Variants in CRYBB1 observed in about 807,000 individuals in gnomAD.
CRYBB1 encodes beta-crystallin B1.
CRYBB1 carries 16 observed loss-of-function variants against 29.5 expected under a neutral mutation model. The ratio of observed to expected loss-of-function variants is 0.54; its 90% CI spans 0.37 to 0.82. The LOEUF is 0.82. Ranked by LOEUF, CRYBB1 falls within the 40% of genes least tolerant of loss-of-function variation. CRYBB1 has a pLI of 0.00. For synonymous variants in CRYBB1, 127 were observed against 136.7 expected (o/e 0.93, Z 0.49); for missense variants, 300 against 350.5 (o/e 0.86, Z 1.15).
intron 4 of CRYBB1, among the ~76,000 whole-genome samples, chr22:26,603,705 A>G (rs1473073425): frequency 1.3e-5 from 2 of 152,054 alleles, no homozygotes; most frequent in Non-Finnish European, 2.9e-5. Context: ...GGAGTTCGAG[A>G]CCAGCCTGAC....
At chr22:26,605,153 A>C (rs1439422963) in intron 4 of CRYBB1, among the ~76,000 whole-genome samples, 1 of 151,158 alleles carries the variant, frequency 6.6e-6, no homozygotes, top group Non-Finnish European at 1.5e-5. Flanking sequence ...CCCCCTGACC[A>C]CTCCCACCTC....
In CRYBB1 at chr22:26,616,391, C is replaced by T. The variant is rs906314912; in HGVS notation, c.-19-53G>A. On this transcript the variant is annotated intron_variant, in intron 1 of 5. Coordinates refer to ENST00000647684, the MANE Select transcript of CRYBB1 (RefSeq NM_001887.4). ...TGACACCCCCAAACTGCCTCCTGCC[C>T]TCATAGCCCCACATCCTGTGCTTTC... The T allele has an allele frequency of 1.2e-5, 14 of 1,198,780 alleles. No homozygotes were observed. The African/African-American group carries it at 2.1e-4, about 18-fold the overall frequency. 74.3% of individuals were successfully genotyped at this position (1,198,780 alleles called of 1,614,324 possible).
In CRYBB1 at chr22:26,612,179, G is replaced by A. The variant is rs754383651; in HGVS notation, c.192C>T (p.Phe64=). ...LPPGNYRLVV[F]ELENFQGRRA... is the part of the protein sequence containing the mutation. ...GACGGCCCTGGAAGTTTTCCAGTTC[G>A]AAGACCACCAGCTGCAGGAGAGAAG... Residue 64 remains phenylalanine (F), a synonymous_variant, in exon 3 of 6, where the codon TTC becomes TTT. Coordinates refer to ENST00000647684, the MANE Select transcript of CRYBB1 (RefSeq NM_001887.4). 9.3e-6 allele frequency: 15 copies of A among 1,612,944 alleles called. No homozygotes were observed. In the Admixed American group the frequency reaches 1.0e-4, roughly 11 times the overall value.
chr22:26,607,158 G>T (rs1210682969), intron 4 of CRYBB1, among the ~76,000 whole-genome samples: 2 of 151,712 alleles, frequency 1.3e-5, no homozygotes, highest in African/African-American at 4.8e-5. Context: ...TAGTAGCTGG[G>T]ATTACAGGCA....
intron 3 of CRYBB1, among the ~76,000 whole-genome samples, chr22:26,610,179 G>C (rs2267102): frequency 0.18 from 26,969 of 152,030 alleles, 3,127 homozygotes; most frequent in South Asian, 0.38. Flanking sequence ...AGGGAGAGAG[G>C]GTAGGGCAGG....
chr22:26,601,762 G>A (rs1928825892), intron 5 of CRYBB1, 117 bp downstream of exon 5: 1 of 1,537,114 alleles, frequency 6.5e-7, no homozygotes, highest in Non-Finnish European at 8.8e-7. Flanking sequence ...CTGGGAGACT[G>A]TGGAAGGGGC....
At chr22:26,609,339 G>C (rs949799369) in intron 3 of CRYBB1, among the ~76,000 whole-genome samples, 4 of 152,076 alleles carry the variant, frequency 2.6e-5, no homozygotes, top group South Asian at 4.2e-4. Context: ...CCTCAGCCCT[G>C]TCTGGTCTGG....
chr22:26,611,277 G>A (rs1030068692), intron 3 of CRYBB1, among the ~76,000 whole-genome samples: 3 of 152,146 alleles, frequency 2.0e-5, no homozygotes, highest in Non-Finnish European at 4.4e-5. Context: ...AATAGCCTCT[G>A]CCTCCTACAG....
At chr22:26,611,681 A>G (rs2145968351) in intron 3 of CRYBB1, among the ~76,000 whole-genome samples, 1 of 152,006 alleles carries the variant, frequency 6.6e-6, no homozygotes, top group Non-Finnish European at 1.5e-5. Flanking sequence ...TCACCTTGTT[A>G]GCCAGGATGG....
At chr22:26,615,766 G>A (rs563568539) in intron 2 of CRYBB1, among the ~76,000 whole-genome samples, 11 of 152,132 alleles carry the variant, frequency 7.2e-5, no homozygotes, top group Non-Finnish European at 1.2e-4. Flanking sequence ...CACCTGCCTC[G>A]GCCTCCCAAA....
In CRYBB1 at chr22:26,606,386, A is replaced by G. The variant is rs369671065; in HGVS notation, c.432+1503T>C. 1.8e-4 allele frequency among the ~76,000 whole-genome samples: 28 copies of G among 152,326 alleles called. No homozygotes were observed. In the East Asian group the frequency reaches 4.6e-3, roughly 25 times the overall value. On this transcript the variant is annotated intron_variant, in intron 4 of 5. Transcript: ENST00000647684. ...GACATTCTTTAAAATTTTTTTTACT[A>G]TGTATTCAAAACCTAATATGTATTT...
At position 26,616,245 on chromosome 22, in the gene CRYBB1, C is replaced by G; in HGVS notation, c.75G>C (p.Gly25=). The G allele has an allele frequency of 6.2e-7, 1 of 1,614,050 alleles. No homozygotes were observed. Among genetic ancestry groups the G allele is most frequent in the Admixed American group, 1.7e-5 (1 of 60,026 alleles). ...VNPGPDTKGK[G]APPAGTSPSP... ...TAGGGGATGTTCCTGCAGGTGGGGCCCCCTTCCCCTTGGTGTCAGGCCCTG... is the reference window on the plus strand; with the variant it reads ...TAGGGGATGTTCCTGCAGGTGGGGCGCCCTTCCCCTTGGTGTCAGGCCCTG... The change falls in exon 2 of 6, where the codon GGG becomes GGC. Residue 25 remains glycine (G), a synonymous_variant. Transcript: ENST00000647684.
intron 5 of CRYBB1, among the ~76,000 whole-genome samples, chr22:26,600,451 C>T (rs1008056917): frequency 6.6e-6 from 1 of 152,048 alleles, no homozygotes; most frequent in African/African-American, 2.4e-5. Flanking sequence ...CAGTGCGTAG[C>T]AGCTGGGAAC....
intron 4 of CRYBB1, among the ~76,000 whole-genome samples, chr22:26,603,143 A>C (rs1172596418): frequency 6.6e-6 from 1 of 151,636 alleles, no homozygotes; most frequent in Non-Finnish European, 1.5e-5. Flanking sequence ...AAAAAAAAAA[A>C]ACAAAAAACA....
In CRYBB1 at chr22:26,612,187, C is replaced by T; in HGVS notation, c.184G>A (p.Val62Met). The change falls in exon 3 of 6, where the codon GTG (valine) becomes ATG (methionine). Residue 62 changes from valine to methionine, a missense_variant. Transcript: ENST00000647684. ...AELPPGNYRL[V>M]VFELENFQGR... ...TGGAAGTTTTCCAGTTCGAAGACCA[C>T]CAGCTGCAGGAGAGAAGCCCCCATG... 2 of 1,611,134 alleles carry T rather than the reference C, an allele frequency of 1.2e-6. No individual in the cohort carries two copies.
rs1052712300 is a variant in CRYBB1, at chr22:26,606,999, G to A, written c.432+890C>T. ...CTTATTATTAAGAGGTTCAAGCTGCGTTTCTACAGTATCCCTCTCCTTTTT... is the reference window on the plus strand; with the variant it reads ...CTTATTATTAAGAGGTTCAAGCTGCATTTCTACAGTATCCCTCTCCTTTTT... On this transcript the variant is annotated intron_variant, in intron 4 of 5. Coordinates refer to ENST00000647684, the MANE Select transcript of CRYBB1 (RefSeq NM_001887.4). Among the ~76,000 whole-genome samples the A allele has an allele frequency of 6.2e-5, 9 of 144,906 alleles. No homozygotes were observed. In the South Asian group the frequency reaches 6.6e-4, roughly 11 times the overall value.
intron 5 of CRYBB1, among the ~76,000 whole-genome samples, chr22:26,601,002 G>A (rs1163243236): frequency 2.0e-5 from 3 of 152,192 alleles, no homozygotes; most frequent in Admixed American, 6.5e-5. Context: ...TGTATTCATC[G>A]CTGCTTTCCC....
intron 5 of CRYBB1, 100 bp from the exon 6 acceptor site, chr22:26,599,773 T>G (rs1928764740): frequency 2.3e-6 from 2 of 888,862 alleles, no homozygotes; most frequent in Admixed American, 1.9e-5. Flanking sequence ...ATCCCTGCAG[T>G]CGGCTGCTCT....
intron 2 of CRYBB1, 24 bp from the exon 3 acceptor site, chr22:26,612,214 C>G (rs199979459): frequency 4.5e-6 from 7 of 1,545,334 alleles, no homozygotes; most frequent in Non-Finnish European, 6.3e-6. Context: ...GCCCCCATGC[C>G]AAGGGCAGAG....
Sources: gnomAD v4.1 joint callset for allele counts (sites outside exome capture counted in the v4.1 genomes callset) on GRCh38, gnomAD v4.1.1 for gene constraint, MANE v1.5 for transcripts, NCBI Gene and HGNC (gene_info 2026-07-23, HGNC 2026-07-21) for gene names.